VPS41: variants seen among roughly 807,000 people sequenced by gnomAD.
The protein encoded by VPS41 is vacuolar protein sorting-associated protein 41 homolog.
VPS41 carries 85 observed loss-of-function variants against 130.9 expected under a neutral mutation model. The observed-to-expected ratio is 0.65, with a 90% CI of 0.55 to 0.78. VPS41 has a LOEUF of 0.78. Among genes scored for constraint, VPS41 ranks in the 30% least tolerant of loss-of-function variants. The pLI is 0.00. For synonymous variants in VPS41, 335 were observed against 332.9 expected (o/e 1.01, Z -0.07); for missense variants, 874 against 1,018.7 (o/e 0.86, Z 1.93).
chr7:38,754,693 C>T lies in VPS41; in HGVS notation c.1788+9G>A, dbSNP rs770966817. The T allele has an allele frequency of 6.2e-7, 1 of 1,612,538 alleles. No homozygotes were observed. Among genetic ancestry groups the T allele is most frequent in the Non-Finnish European group, 8.5e-7 (1 of 1,178,824 alleles). On this transcript the variant is annotated intron_variant, in intron 21 of 28. Transcript: ENST00000310301. ...CAAAAGGGCAAAAGGAGGAGACTGC[C>T]ATGCTCACCACATGCTGTAGCTCTG...
intron 7 of VPS41, among the ~76,000 whole-genome samples, chr7:38,813,355 G>A (rs979997551): frequency 2.6e-5 from 4 of 152,146 alleles, no homozygotes; most frequent in African/African-American, 9.7e-5. Flanking sequence ...GCCTAGGGAT[G>A]AGAGGAGGGG....
chr7:38,885,834 T>C (rs1300745844), intron 2 of VPS41, among the ~76,000 whole-genome samples: 1 of 151,792 alleles, frequency 6.6e-6, no homozygotes, highest in African/African-American at 2.4e-5. Flanking sequence ...TCTCAGAAAA[T>C]AAATAGAATT....
At chr7:38,794,231 C>T (rs1335903861) in intron 9 of VPS41, among the ~76,000 whole-genome samples, 1 of 152,138 alleles carries the variant, frequency 6.6e-6, no homozygotes, top group African/African-American at 2.4e-5. Context: ...ACACGTGGGA[C>T]AGGGAGCCCA....
intron 17 of VPS41, among the ~76,000 whole-genome samples, chr7:38,761,780 T>A (rs1473326245): frequency 6.6e-6 from 1 of 151,960 alleles, no homozygotes; most frequent in African/African-American, 2.4e-5. Flanking sequence ...TATAGACAGG[T>A]CTCACTATGT....
rs1795542577 is a variant in VPS41, at chr7:38,726,312, C to T, written c.2499G>A (p.Gln833=). 6.2e-7 allele frequency: 1 copy of T among 1,613,608 alleles called. No homozygotes were observed. The highest frequency in any genetic ancestry group is 1.1e-5 in the South Asian group (1 of 91,026). ...TCTTAGCACTGCAGATGTTGCAGAACTGTGCAGCAGAGTTCTAAAAATGCA... is the reference window on the plus strand; with the variant it reads ...TCTTAGCACTGCAGATGTTGCAGAATTGTGCAGCAGAGTTCTAAAAATGCA... The part of the protein sequence containing the change: ...LPMPSMNSAA[Q]FCNICSAKNR... The change falls in exon 29 of 29, where the codon CAG becomes CAA. Residue 833 remains glutamine (Q), a synonymous_variant. Coordinates refer to ENST00000310301, the MANE Select transcript of VPS41 (RefSeq NM_014396.4).
chr7:38,860,376 T>C (rs758361110), intron 4 of VPS41, among the ~76,000 whole-genome samples: 7 of 152,130 alleles, frequency 4.6e-5, no homozygotes, highest in East Asian at 3.9e-4. Context: ...TTTTTACATA[T>C]GTAGATCATG....
intron 14 of VPS41, 89 bp downstream of exon 14, chr7:38,771,108 GA>G: frequency 2.1e-6 from 2 of 950,322 alleles, no homozygotes; most frequent in Non-Finnish European, 1.6e-6. Flanking sequence ...CAAAAGATAG[GA>G]AAAACCTGTT....
chr7:38,789,860 G>A lies in VPS41; in HGVS notation c.725C>T (p.Ser242Leu). 1 of 1,613,666 alleles carries A rather than the reference G, an allele frequency of 6.2e-7. No individual in the cohort carries two copies. The highest frequency in any genetic ancestry group is 1.1e-5 in the South Asian group (1 of 91,050). ...IGWGTSVKVC[S>L]VKERHASEMR... ...TTCACTGGCATGCCGTTCCTTCACT[G>A]AGCACACCTGGAAAATAAGTTCGCA... The change falls in exon 10 of 29, where the codon TCA (serine) becomes TTA (leucine). Residue 242 changes from serine (S) to leucine (L), a missense_variant. Physicochemically the swap from Ser to Leu is moderately radical, Grantham distance 145. Transcript: ENST00000310301.
At chr7:38,821,498 C>T (rs1785170409) in intron 5 of VPS41, among the ~76,000 whole-genome samples, 1 of 152,062 alleles carries the variant, frequency 6.6e-6, no homozygotes, top group South Asian at 2.1e-4. Flanking sequence ...CACCTAAGGT[C>T]AGGAGTTGAA....
intron 17 of VPS41, among the ~76,000 whole-genome samples, chr7:38,758,698 C>T (rs1445630663): frequency 6.6e-6 from 1 of 152,146 alleles, no homozygotes; most frequent in Admixed American, 6.6e-5. Flanking sequence ...ACAGGATAGA[C>T]TGAGACAGGA....
At chr7:38,887,410 G>C (rs1489131160) in intron 2 of VPS41, among the ~76,000 whole-genome samples, 2 of 152,160 alleles carry the variant, frequency 1.3e-5, no homozygotes, top group Non-Finnish European at 2.9e-5. Flanking sequence ...AATTCGATCG[G>C]CTGGAAGAAA....
intron 2 of VPS41, among the ~76,000 whole-genome samples, chr7:38,884,183 T>C: frequency 6.6e-6 from 1 of 152,236 alleles, no homozygotes; most frequent in Non-Finnish European, 1.5e-5. Flanking sequence ...ATGCATTTCC[T>C]GATTTAAAAA....
At chr7:38,908,236 C>A (rs561765120) in intron 1 of VPS41, among the ~76,000 whole-genome samples, 1 of 152,266 alleles carries the variant, frequency 6.6e-6, no homozygotes, top group East Asian at 1.9e-4. Context: ...AAAACAGTAT[C>A]CAACTGAAAT....
intron 1 of VPS41, among the ~76,000 whole-genome samples, chr7:38,904,027 C>T (rs1402909599): frequency 2.0e-5 from 3 of 152,184 alleles, no homozygotes; most frequent in Non-Finnish European, 4.4e-5. Context: ...TACCCACTAA[C>T]ACACTCCATC....
Position 38,771,329 on chromosome 7 carries a change from G to A in VPS41, c.1129-75C>T, listed in dbSNP as rs1784150575. The A allele has an allele frequency of 2.8e-6, 3 of 1,065,934 alleles. No homozygotes were observed. In the Admixed American group the frequency reaches 6.1e-5, roughly 22 times the overall value. The allele number at this position is 1,065,934 out of a possible 1,614,324, so 66.0% of individuals were successfully genotyped here. A position where few individuals can be genotyped will look rare whatever the true frequency, so the allele number is the denominator to read the frequency against. ...GAGGGAGGGAAAATGGGAGAAGGTGGGAGAGAAAGATATTGAGGTTATAAA... is the reference window on the plus strand; with the variant it reads ...GAGGGAGGGAAAATGGGAGAAGGTGAGAGAGAAAGATATTGAGGTTATAAA... On this transcript the variant is annotated intron_variant, in intron 13 of 28. Coordinates refer to ENST00000310301, the MANE Select transcript of VPS41 (RefSeq NM_014396.4).
intron 4 of VPS41, among the ~76,000 whole-genome samples, chr7:38,850,345 C>T (rs1211013439): frequency 6.6e-6 from 1 of 152,192 alleles, no homozygotes; most frequent in Non-Finnish European, 1.5e-5. Context: ...CTGAGAAGCA[C>T]CTGTTCATGT....
At chr7:38,789,692 C>CT (rs1420878478) in intron 10 of VPS41, 109 bp downstream of exon 10, 1 of 1,014,462 alleles carries the variant, frequency 9.9e-7, no homozygotes, top group African/African-American at 1.6e-5. Flanking sequence ...AGTTAGGAGG[C>CT]TGCTGCAGGG....
rs1424988036 is a variant in VPS41 at position 38,723,121 on chromosome 7, C to G, written c.*3125G>C. On this transcript the variant is annotated 3_prime_UTR_variant, in exon 29 of 29. Coordinates refer to ENST00000310301, the MANE Select transcript of VPS41 (RefSeq NM_014396.4). The stretch of plus-strand genomic sequence containing the variant: ...ATCATAAGTGTTTCATCTCTGTCGT[C>G]TTCATACTGAGTAGGCTGAGAAGGA... The G allele has an allele frequency of 6.6e-6, 1 of 152,174 alleles. No homozygotes were observed. Among genetic ancestry groups the G allele is most frequent in the Non-Finnish European group, 1.5e-5 (1 of 68,034 alleles). The allele number at this position is 152,174 out of a possible 1,614,324, so 9.4% of individuals were successfully genotyped here.
intron 7 of VPS41, among the ~76,000 whole-genome samples, chr7:38,798,833 TC>T (rs1208372172): frequency 6.6e-6 from 1 of 152,048 alleles, no homozygotes; most frequent in African/African-American, 2.4e-5. Context: ...AGGAGAACAG[TC>T]TGCACCTGTG....
Sources: allele counts gnomAD v4.1 joint callset (sites outside exome capture counted in the v4.1 genomes callset), GRCh38; gene constraint gnomAD v4.1.1; transcripts MANE v1.5; gene names NCBI Gene and HGNC (gene_info 2026-07-23, HGNC 2026-07-21).